Variants in HELZ observed in about 807,000 individuals in gnomAD.
The protein encoded by HELZ is helicase with zinc finger.
In HELZ, 23 loss-of-function variants were observed where a neutral mutation model predicts 218.2. The ratio of observed to expected loss-of-function variants is 0.11; its 90% CI spans 0.08 to 0.15. The LOEUF (loss-of-function observed/expected upper bound fraction) is 0.15, where lower values mean the gene tolerates loss of function less well. Among genes scored for constraint, HELZ ranks in the 10% least tolerant of loss-of-function variants. HELZ has a pLI of 1.00. For synonymous variants in HELZ, 814 were observed against 829.4 expected (o/e 0.98, Z 0.32); for missense variants, 1,813 against 2,353.7 (o/e 0.77, Z 4.75).
At chr17:67,146,486 C>T (rs2144016080) in intron 20 of HELZ, among the ~76,000 whole-genome samples, 2 of 152,292 alleles carry the variant, frequency 1.3e-5, no homozygotes, top group Non-Finnish European at 2.9e-5. Context: ...AGTGTAAGTT[C>T]ACTCTGTGAT....
chr17:67,091,587 ACAT>A (rs2143624569), intron 31 of HELZ, among the ~76,000 whole-genome samples: 1 of 152,302 alleles, frequency 6.6e-6, no homozygotes, highest in East Asian at 1.9e-4. Flanking sequence ...GATCAGAATG[ACAT>A]CATCTGATCA....
intron 6 of HELZ, among the ~76,000 whole-genome samples, chr17:67,202,073 G>A (rs771196853): frequency 1.1e-4 from 16 of 151,344 alleles, no homozygotes; most frequent in Non-Finnish European, 2.1e-4. Flanking sequence ...GCACAAATCT[G>A]CCCCATAATT....
In HELZ at chr17:67,224,534, CTGA is replaced by C. The variant is rs1178446134; in HGVS notation, c.-18-5715_-18-5713del. 12 of 383,428 alleles carry C rather than the reference CTGA, an allele frequency of 3.1e-5. No homozygotes were observed. The East Asian group carries it at 7.2e-4, about 23-fold the overall frequency. 23.8% of individuals were successfully genotyped at this position (383,428 alleles called of 1,614,324 possible). ...GATAATCTGATCAGTACCAAATGAGCTGATAATTGTCTTGTAAAATAGTGTATA... is the reference window on the plus strand; with the variant it reads ...GATAATCTGATCAGTACCAAATGAGCTAATTGTCTTGTAAAATAGTGTATA... On this transcript the variant is annotated intron_variant, in intron 3 of 32. Coordinates refer to ENST00000358691, the MANE Select transcript of HELZ (RefSeq NM_014877.4).
chr17:67,189,763 G>A, intron 10 of HELZ, 67 bp from the exon 11 acceptor site: 2 of 1,026,302 alleles, frequency 1.9e-6, no homozygotes, highest in Non-Finnish European at 3.1e-6. Context: ...CTTTTAGCAT[G>A]GAAAATAAAT....
At chr17:67,145,171 A>G (rs2038455936) in intron 21 of HELZ, among the ~76,000 whole-genome samples, 1 of 151,858 alleles carries the variant, frequency 6.6e-6, no homozygotes, top group Non-Finnish European at 1.5e-5. Context: ...CAGAACCTTA[A>G]CTCCAGGGTT....
chr17:67,160,849 A>G (rs752833066), intron 16 of HELZ, 48 bp downstream of exon 16: 12 of 1,307,750 alleles, frequency 9.2e-6, no homozygotes, highest in Non-Finnish European at 1.3e-5. Flanking sequence ...ACAAGAACAG[A>G]GGTAGTATCC....
chr17:67,213,871 G>C (rs1354865554), intron 5 of HELZ, among the ~76,000 whole-genome samples: 2 of 152,144 alleles, frequency 1.3e-5, no homozygotes, highest in African/African-American at 4.8e-5. Context: ...TATTAATTTA[G>C]AACAATATTC....
chr17:67,240,949 G>T (rs985682925), intron 2 of HELZ, among the ~76,000 whole-genome samples: 2 of 152,158 alleles, frequency 1.3e-5, no homozygotes, highest in African/African-American at 2.4e-5. Flanking sequence ...ATCTACAGTG[G>T]TCTTTTAAAA....
chr17:67,119,369 A>C (rs2037528470), intron 27 of HELZ, among the ~76,000 whole-genome samples: 1 of 152,226 alleles, frequency 6.6e-6, no homozygotes, highest in Admixed American at 6.5e-5. Context: ...GCATTAAGCT[A>C]AGTGAACAAA....
At chr17:67,221,737 C>A (rs1567904962) in intron 3 of HELZ, among the ~76,000 whole-genome samples, 1 of 152,106 alleles carries the variant, frequency 6.6e-6, no homozygotes, top group Admixed American at 6.5e-5. Context: ...TAAAAGAATG[C>A]CTGGGACATA....
chr17:67,196,559 T>C (rs1268664577), intron 7 of HELZ, among the ~76,000 whole-genome samples: 1 of 144,604 alleles, frequency 6.9e-6, no homozygotes, highest in Non-Finnish European at 1.5e-5. Flanking sequence ...AACAGATAGA[T>C]GGTTGGTTAG....
Position 67,203,349 on chromosome 17 carries a change from A to C in HELZ, c.342T>G (p.Ile114Met). 2 of 1,614,156 alleles carry C rather than the reference A, an allele frequency of 1.2e-6. No individual in the cohort carries two copies. The highest frequency in any genetic ancestry group is 1.7e-6 in the Non-Finnish European group (2 of 1,180,000). Residue 114 changes from isoleucine (I) to methionine (M), a missense_variant, in exon 6 of 33, where the codon ATT becomes ATG. By Grantham distance (10) the Ile-to-Met change is conservative. Around this residue, in one of 4 missense-constraint regions of HELZ, gnomAD observed 714 missense variants for 1,029.2 expected, o/e 0.69. Transcript: ENST00000358691. Reference protein sequence around the residue: ...LKGKLQPVSTILAKSLTGESL... With the variant: ...LKGKLQPVSTMLAKSLTGESL... ...ACTCTCCTGTGAGTGACTTGGCAAG[A>C]ATGGTGGATACAGGTTGGAGCTTCC... is the stretch of plus-strand genomic sequence containing the variant.
chr17:67,161,121 T>C, intron 15 of HELZ, 45 bp from the exon 16 acceptor site: 1 of 1,411,172 alleles, frequency 7.1e-7, no homozygotes, highest in Non-Finnish European at 9.8e-7. Context: ...ATCTCGTTAA[T>C]AAATAGAACA....
At position 67,167,470 on chromosome 17, in the gene HELZ, T is replaced by C. The variant is rs1454206299; in HGVS notation, c.1757A>G (p.Asp586Gly). The C allele has an allele frequency of 6.2e-7, 1 of 1,608,864 alleles. No homozygotes were observed. Among genetic ancestry groups the C allele is most frequent in the East Asian group, 2.2e-5 (1 of 44,858 alleles). Residue 586 changes from aspartate to glycine, a missense_variant, in exon 14 of 33, where the codon GAC becomes GGC. By Grantham distance (94) the Asp-to-Gly change is moderately conservative. Transcript: ENST00000358691. ...TGCAACCTTCAAACATACCTGTGTG[T>C]CACAGTCAGGCCGAAGATTAAGTTC... ...CEELNLRPDC[D>G]TQVELQFQLN... is the part of the protein sequence containing the mutation.
At chr17:67,231,277 G>C (rs749351744) in intron 3 of HELZ, among the ~76,000 whole-genome samples, 2 of 152,164 alleles carry the variant, frequency 1.3e-5, no homozygotes, top group East Asian at 3.8e-4. Flanking sequence ...TCCAAATAAA[G>C]TCTAAAAATT....
At chr17:67,223,044 G>C (rs1425204766) in intron 3 of HELZ, among the ~76,000 whole-genome samples, 1 of 146,016 alleles carries the variant, frequency 6.8e-6, no homozygotes, top group Non-Finnish European at 1.5e-5. Context: ...TCAGGAGATC[G>C]AGCCCATCCT....
intron 12 of HELZ, among the ~76,000 whole-genome samples, chr17:67,187,363 G>A (rs16960658): frequency 0.039 from 5,858 of 152,112 alleles, 387 homozygotes; most frequent in African/African-American, 0.13. Context: ...TTAAATTTGG[G>A]CACCATCGTT....
intron 5 of HELZ, among the ~76,000 whole-genome samples, chr17:67,208,334 T>C (rs974861739): frequency 6.6e-6 from 1 of 152,168 alleles, no homozygotes; most frequent in Non-Finnish European, 1.5e-5. Context: ...TGTATCTTAA[T>C]TGTATTCGTG....
chr17:67,235,569 G>C (rs2041157218), intron 3 of HELZ, among the ~76,000 whole-genome samples: 1 of 151,748 alleles, frequency 6.6e-6, no homozygotes, highest in Non-Finnish European at 1.5e-5. Context: ...CTCAAGCAGT[G>C]TCCTGCTTCA....
Sources: allele counts gnomAD v4.1 joint callset (sites outside exome capture counted in the v4.1 genomes callset), GRCh38; gene constraint gnomAD v4.1.1; regional missense constraint gnomAD v4.1.1; transcripts MANE v1.5; gene names NCBI Gene and HGNC (gene_info 2026-07-23, HGNC 2026-07-21).